The following GRK7 variants were observed in gnomAD, a reference collection of about 807,000 sequenced individuals.
GRK7 encodes the protein rhodopsin kinase GRK7.
Under a neutral mutation model 34.1 loss-of-function variants are expected in GRK7, and 24 were observed. That is an observed-to-expected ratio of 0.70 (90% CI 0.51 to 0.99). The LOEUF is 0.99. Among genes scored for constraint, GRK7 ranks in the 50% least tolerant of loss-of-function variants. The pLI is 0.00. For synonymous variants in GRK7, 256 were observed against 279.4 expected, an observed-to-expected ratio of 0.92 and a Z score of 0.84; for missense variants, 644 against 707.3, an observed-to-expected ratio of 0.91 and a Z score of 1.02.
chr3:141,806,260 G>A (rs539424666), intron 4 of GRK7, among the ~76,000 whole-genome samples: 114 of 151,906 alleles, frequency 7.5e-4, no homozygotes, highest in Non-Finnish European at 1.0e-3. Flanking sequence ...CTGTCATATC[G>A]CTCTCTGAAA....
Position 141,764,605 on chromosome 3 carries a change from C to T in GRK7, c.-1348C>T, listed in dbSNP as rs1052014203. On this transcript the variant is annotated 5_prime_UTR_variant, in exon 1 of 6. Coordinates refer to ENST00000682958, the MANE Select transcript of GRK7 (RefSeq NM_139209.3). The stretch of plus-strand genomic sequence containing the variant: ...GGGCTCAGTCCTTAGATTTCTCTGC[C>T]CTCACCCCAGAGTGATCACACCCAG... 1.3e-5 allele frequency among the ~76,000 whole-genome samples: 2 copies of T among 152,170 alleles called. No individual in the cohort carries two copies. Among genetic ancestry groups the T allele is most frequent in the African/African-American group, 4.8e-5 (2 of 41,444 alleles).
rs1056676637 is a variant in GRK7, at chr3:141,818,698, A to G, written c.*1648A>G. Reference sequence around the variant, plus strand: ...ATTTTTTAAAAGGATGTATGTGCACATAATAAAATCTAAATTTATCCCAGT... The same window carrying G: ...ATTTTTTAAAAGGATGTATGTGCACGTAATAAAATCTAAATTTATCCCAGT... On this transcript the variant is annotated 3_prime_UTR_variant, in exon 6 of 6. Coordinates refer to ENST00000682958, the MANE Select transcript of GRK7 (RefSeq NM_139209.3). 6.6e-6 allele frequency among the ~76,000 whole-genome samples: 1 copy of G among 152,236 alleles called. No homozygotes were observed. Among genetic ancestry groups the G allele is most frequent in the Non-Finnish European group, 1.5e-5 (1 of 68,046 alleles).
intron 4 of GRK7, among the ~76,000 whole-genome samples, chr3:141,786,535 T>C (rs1482718849): frequency 3.9e-5 from 6 of 152,122 alleles, no homozygotes; most frequent in Non-Finnish European, 7.3e-5. Flanking sequence ...CCTAGCACTT[T>C]GGGAGGCTGA....
At chr3:141,805,858 G>A (rs1463536958) in intron 4 of GRK7, among the ~76,000 whole-genome samples, 1 of 152,188 alleles carries the variant, frequency 6.6e-6, no homozygotes, top group Non-Finnish European at 1.5e-5. Flanking sequence ...GAGTGCTGTG[G>A]CTCGTCTATC....
chr3:141,808,176 A>G (rs1190848920), intron 5 of GRK7, among the ~76,000 whole-genome samples: 2 of 152,248 alleles, frequency 1.3e-5, no homozygotes, highest in African/African-American at 4.8e-5. Flanking sequence ...AAAAGAATAC[A>G]TAATTCAAAT....
At chr3:141,772,414 A>C (rs1372484419) in intron 1 of GRK7, among the ~76,000 whole-genome samples, 1 of 152,162 alleles carries the variant, frequency 6.6e-6, no homozygotes, top group East Asian at 1.9e-4. Flanking sequence ...TTTAATGCTA[A>C]TGTATTAGTC....
intron 4 of GRK7, among the ~76,000 whole-genome samples, chr3:141,781,798 T>C (rs1051186910): frequency 2.0e-5 from 3 of 152,232 alleles, no homozygotes; most frequent in African/African-American, 7.2e-5. Flanking sequence ...AAGAGAATTA[T>C]AATTAAGCGA....
intron 1 of GRK7, among the ~76,000 whole-genome samples, chr3:141,771,214 CGT>C (rs67606208): frequency 0.023 from 3,459 of 149,934 alleles, 135 homozygotes; most frequent in East Asian, 0.18. Context: ...TGTGTGTGCA[CGT>C]GTGTGTGTGT....
chr3:141,816,317 G>T (rs1183836961), intron 5 of GRK7, among the ~76,000 whole-genome samples: 2 of 152,162 alleles, frequency 1.3e-5, no homozygotes, highest in East Asian at 3.8e-4. Context: ...AATGGGAGTG[G>T]TGGTTGTGTG....
rs1200689620 is a variant in GRK7, at chr3:141,780,673, G to A, written c.912G>A (p.Met304Ile). ...IFYSAQIACG[M>I]LHLHELGIVY... ...ACTCGGCCCAGATAGCCTGTGGGATGCTGCACCTCCATGAACTCGGCATCG... is the reference window on the plus strand; with the variant it reads ...ACTCGGCCCAGATAGCCTGTGGGATACTGCACCTCCATGAACTCGGCATCG... Residue 304 changes from methionine to isoleucine, a missense_variant, in exon 4 of 6, where the codon ATG becomes ATA. Met to Ile is a conservative substitution (Grantham distance 10). Coordinates refer to ENST00000682958, the MANE Select transcript of GRK7 (RefSeq NM_139209.3). 1 of 1,614,242 alleles carries A rather than the reference G, an allele frequency of 6.2e-7. No individual in the cohort carries two copies. The highest frequency in any genetic ancestry group is 1.1e-5 in the South Asian group (1 of 91,088).
upstream of GRK7, among the ~76,000 whole-genome samples, chr3:141,762,723 G>T (rs1032315048): frequency 6.6e-6 from 1 of 151,770 alleles, no homozygotes; most frequent in Non-Finnish European, 1.5e-5. Flanking sequence ...CCTCGCTGCC[G>T]CCTTGCAGTT....
At chr3:141,814,474 G>T (rs966781014) in intron 5 of GRK7, among the ~76,000 whole-genome samples, 2 of 152,130 alleles carry the variant, frequency 1.3e-5, no homozygotes, top group African/African-American at 4.8e-5. Context: ...AAAACATGCG[G>T]TACTTGGTTT....
chr3:141,812,213 A>G (rs368342875), intron 5 of GRK7, among the ~76,000 whole-genome samples: 29 of 152,284 alleles, frequency 1.9e-4, no homozygotes, highest in African/African-American at 6.7e-4. Flanking sequence ...AGCCTCTGTT[A>G]ATGCTCTGAA....
chr3:141,797,253 C>A, intron 4 of GRK7, among the ~76,000 whole-genome samples: 2 of 152,304 alleles, frequency 1.3e-5, no homozygotes, highest in Middle Eastern at 3.4e-3. Context: ...CAGGAAGTGG[C>A]GGCAGAAAGC....
chr3:141,799,262 G>C (rs1466039785), intron 4 of GRK7, among the ~76,000 whole-genome samples: 1 of 152,106 alleles, frequency 6.6e-6, no homozygotes. Flanking sequence ...GAACTTGGAG[G>C]GGTAAGAAAA....
the GRK7 span, among the ~76,000 whole-genome samples, chr3:141,757,238 C>G: frequency 6.7e-6 from 1 of 148,794 alleles, no homozygotes; most frequent in Admixed American, 6.9e-5. Context: ...CATGCTGGTG[C>G]GCTGCACCCA....
At position 141,810,925 on chromosome 3, in the gene GRK7, C is replaced by G. The variant is rs148524728; in HGVS notation, c.1325+3006C>G. Among the ~76,000 whole-genome samples the G allele has an allele frequency of 6.6e-5, 10 of 152,232 alleles. No homozygotes were observed. The East Asian group carries it at 1.9e-3, about 29-fold the overall frequency. ...CAAGTTCAGTGAGTATCCAAAGGTG[C>G]GGGAGCAGTGGCTGAGTCAGGAGGA... On this transcript the variant is annotated intron_variant, in intron 5 of 5. Coordinates refer to ENST00000682958, the MANE Select transcript of GRK7 (RefSeq NM_139209.3).
rs1036911255 is a variant in GRK7, at chr3:141,765,170, G to A, written c.-783G>A. On this transcript the variant is annotated 5_prime_UTR_variant, in exon 1 of 6. Coordinates refer to ENST00000682958, the MANE Select transcript of GRK7 (RefSeq NM_139209.3). The stretch of plus-strand genomic sequence containing the variant: ...CCTCTCTGAGGACATTTCCTGCTGC[G>A]GGCCCCTCACTCTGGGCCACCCACA... 4.6e-5 allele frequency among the ~76,000 whole-genome samples: 7 copies of A among 152,198 alleles called. No individual in the cohort carries two copies. Among genetic ancestry groups the A allele is most frequent in the East Asian group, 1.9e-4 (1 of 5,172 alleles).
In GRK7 at chr3:141,799,835, A is replaced by G. The variant is rs539471086; in HGVS notation, c.1051-7810A>G. Among the ~76,000 whole-genome samples, 19 of 152,330 alleles carry G rather than the reference A, an allele frequency of 1.2e-4. 1 individual carries two copies. In the South Asian group the frequency reaches 3.3e-3, roughly 27 times the overall value. ...CATTATTATTTCCAATTTTTCTCTCAGCATGTGTTTCACAATCCTTTGTTC... is the reference window on the plus strand; with the variant it reads ...CATTATTATTTCCAATTTTTCTCTCGGCATGTGTTTCACAATCCTTTGTTC... On this transcript the variant is annotated intron_variant, in intron 4 of 5. Transcript: ENST00000682958.
Sources: gnomAD v4.1 joint callset for allele counts (sites outside exome capture counted in the v4.1 genomes callset) on GRCh38, gnomAD v4.1.1 for gene constraint, MANE v1.5 for transcripts, NCBI Gene and HGNC (gene_info 2026-07-23, HGNC 2026-07-21) for gene names.